Variants in AGBL4 observed in about 807,000 individuals in gnomAD.
AGBL4 encodes cytosolic carboxypeptidase 6.
In AGBL4, 58 loss-of-function variants were observed where a neutral mutation model predicts 66.4. That is an observed-to-expected ratio of 0.87 (90% CI 0.71 to 1.09). The LOEUF (loss-of-function observed/expected upper bound fraction) is 1.09. Ranked by LOEUF, AGBL4 falls within the 50% of genes least tolerant of loss-of-function variation. The pLI, the probability that AGBL4 is intolerant of heterozygous loss-of-function variation, is 0.00. For missense variants in AGBL4, 579 were observed against 631.0 expected (o/e 0.92, Z 0.88); for synonymous variants, 234 against 222.9 (o/e 1.05, Z -0.44).
At chr1:49,138,573 G>T (rs576918514) in intron 4 of AGBL4, among the ~76,000 whole-genome samples, 1 of 152,176 alleles carries the variant, frequency 6.6e-6, no homozygotes, top group East Asian at 1.9e-4. Context: ...TGTAATTTTG[G>T]TTGTCAAAGG....
intron 2 of AGBL4, among the ~76,000 whole-genome samples, chr1:49,831,679 G>T (rs532387552): frequency 3.3e-5 from 5 of 152,214 alleles, no homozygotes; most frequent in Admixed American, 1.3e-4. Flanking sequence ...AGGCATCCTT[G>T]TCCTGTACTG....
intron 1 of AGBL4, among the ~76,000 whole-genome samples, chr1:50,000,001 A>G (rs924127206): frequency 1.3e-5 from 2 of 152,186 alleles, no homozygotes; most frequent in Non-Finnish European, 2.9e-5. Context: ...CCTTCTAGAC[A>G]TTGGCTTAGA....
intron 6 of AGBL4, among the ~76,000 whole-genome samples, chr1:48,693,699 G>A (rs886201438): frequency 1.3e-5 from 2 of 152,136 alleles, no homozygotes; most frequent in Non-Finnish European, 2.9e-5. Flanking sequence ...GAACAAGCCT[G>A]GTGACATCCA....
chr1:49,959,602 C>A (rs1656953506), intron 1 of AGBL4, among the ~76,000 whole-genome samples: 1 of 151,942 alleles, frequency 6.6e-6, no homozygotes, highest in Non-Finnish European at 1.5e-5. Context: ...ATTCATGCAG[C>A]CAACATGTGG....
At chr1:48,831,278 C>T (rs1646546536) in intron 6 of AGBL4, among the ~76,000 whole-genome samples, 1 of 152,142 alleles carries the variant, frequency 6.6e-6, no homozygotes, top group South Asian at 2.1e-4. Context: ...CTAAGTCCCT[C>T]TCCTCCATCC....
intron 1 of AGBL4, among the ~76,000 whole-genome samples, chr1:49,877,855 C>T (rs1163325275): frequency 3.3e-5 from 5 of 151,842 alleles, no homozygotes; most frequent in Non-Finnish European, 7.4e-5. Context: ...TTGGTCTATT[C>T]AGAGATTCAA....
intron 5 of AGBL4, among the ~76,000 whole-genome samples, chr1:49,020,206 T>C (rs753089642): frequency 9.9e-5 from 15 of 152,034 alleles, no homozygotes; most frequent in Admixed American, 2.0e-4. Flanking sequence ...AATGTGGCTG[T>C]TGTCACCATC....
intron 3 of AGBL4, among the ~76,000 whole-genome samples, chr1:49,307,872 A>G (rs1198998338): frequency 2.0e-5 from 3 of 152,166 alleles, no homozygotes; most frequent in East Asian, 3.9e-4. Context: ...GTTTAATTCA[A>G]TTTAAACAGA....
At chr1:48,831,653 A>G (rs1646555489) in intron 6 of AGBL4, among the ~76,000 whole-genome samples, 1 of 152,224 alleles carries the variant, frequency 6.6e-6, no homozygotes, top group Non-Finnish European at 1.5e-5. Flanking sequence ...GTAGTACTTA[A>G]TATGGGATAG....
chr1:49,362,163 T>G lies in AGBL4; in HGVS notation c.283-116299A>C, dbSNP rs1644151203. Among the ~76,000 whole-genome samples, 4 of 152,094 alleles carry G rather than the reference T, an allele frequency of 2.6e-5. No homozygotes were observed. In the South Asian group the frequency reaches 8.3e-4, roughly 32 times the overall value. ...AATGTTGTTGTAATCTGAATTTCAG[T>G]GATTTCTATGTAGGAAGTGCTCATA... is the stretch of plus-strand genomic sequence containing the variant. On this transcript the variant is annotated intron_variant, in intron 3 of 13. Coordinates refer to ENST00000371839, the MANE Select transcript of AGBL4 (RefSeq NM_032785.4).
At position 49,665,637 on chromosome 1, in the gene AGBL4, C is replaced by A. The variant is rs369628324; in HGVS notation, c.282+31676G>T. Among the ~76,000 whole-genome samples the A allele has an allele frequency of 8.5e-5, 13 of 152,076 alleles. No individual in the cohort carries two copies. In the East Asian group the frequency reaches 1.9e-3, roughly 23 times the overall value. On this transcript the variant is annotated intron_variant, in intron 3 of 13. Coordinates refer to ENST00000371839, the MANE Select transcript of AGBL4 (RefSeq NM_032785.4). Reference sequence around the variant, plus strand: ...AAAAGAGACCAAGAAAATCTGTCTCCATGCAAAAAAAGTTCTCAATTAACC... The same window carrying A: ...AAAAGAGACCAAGAAAATCTGTCTCAATGCAAAAAAAGTTCTCAATTAACC...
At chr1:49,972,952 T>A (rs1414301879) in intron 1 of AGBL4, among the ~76,000 whole-genome samples, 1 of 152,166 alleles carries the variant, frequency 6.6e-6, no homozygotes, top group Non-Finnish European at 1.5e-5. Flanking sequence ...AGTAACATTA[T>A]CTCCATTTTT....
chr1:49,678,564 A>G (rs536860452), intron 3 of AGBL4, among the ~76,000 whole-genome samples: 1 of 152,030 alleles, frequency 6.6e-6, no homozygotes, highest in East Asian at 1.9e-4. Context: ...CTGATTTTAG[A>G]CTTTCTTCTT....
In AGBL4 at chr1:48,533,833, G is replaced by C; in HGVS notation, c.*340C>G. On this transcript the variant is annotated 3_prime_UTR_variant, in exon 14 of 14. Coordinates refer to ENST00000371839, the MANE Select transcript of AGBL4 (RefSeq NM_032785.4). The stretch of plus-strand genomic sequence containing the variant: ...CTATAAAACTTAAAAATGTAAAGTG[G>C]CTTTGAAAGAACTGACCTGATATGT... The C allele has an allele frequency of 3.5e-6, 1 of 287,094 alleles. No homozygotes were observed. The highest frequency in any genetic ancestry group is 3.9e-5 in the South Asian group (1 of 25,402). 17.8% of individuals were successfully genotyped at this position (287,094 alleles called of 1,614,324 possible).
intron 3 of AGBL4, among the ~76,000 whole-genome samples, chr1:49,366,387 A>G (rs1345580878): frequency 2.6e-5 from 4 of 152,172 alleles, no homozygotes; most frequent in African/African-American, 4.8e-5. Flanking sequence ...ATTTAAAATG[A>G]GATGTCTATA....
intron 6 of AGBL4, among the ~76,000 whole-genome samples, chr1:48,816,543 T>C (rs1646182926): frequency 6.6e-6 from 1 of 152,164 alleles, no homozygotes; most frequent in African/African-American, 2.4e-5. Context: ...AAGAAACTTA[T>C]CATGTTTCTA....
At chr1:49,083,509 C>A (rs980638111) in intron 4 of AGBL4, among the ~76,000 whole-genome samples, 2 of 152,224 alleles carry the variant, frequency 1.3e-5, no homozygotes, top group Admixed American at 6.5e-5. Flanking sequence ...ACCTTGGCCC[C>A]TTTTAGCCAC....
intron 4 of AGBL4, among the ~76,000 whole-genome samples, chr1:49,059,410 A>C (rs1644362988): frequency 6.6e-6 from 1 of 152,192 alleles, no homozygotes; most frequent in Non-Finnish European, 1.5e-5. Context: ...ATTTCAGAGG[A>C]GGTATGGAAA....
intron 1 of AGBL4, among the ~76,000 whole-genome samples, chr1:49,860,213 CA>C (rs1047021604): frequency 6.6e-6 from 1 of 151,738 alleles, no homozygotes; most frequent in African/African-American, 2.4e-5. Context: ...TATGGAAAAG[CA>C]AACAAACTAA....
Sources: allele counts gnomAD v4.1 joint callset (sites outside exome capture counted in the v4.1 genomes callset), GRCh38; gene constraint gnomAD v4.1.1; transcripts MANE v1.5; gene names NCBI Gene and HGNC (gene_info 2026-07-23, HGNC 2026-07-21).